CDHR3: variants seen among roughly 807,000 people sequenced by gnomAD.
CDHR3 encodes the protein cadherin-related family member 3.
CDHR3 carries 79 observed loss-of-function variants against 86.6 expected under a neutral mutation model. That is an observed-to-expected ratio of 0.91 (90% CI 0.76 to 1.10). CDHR3 has a LOEUF of 1.10. CDHR3 is among the 50% of genes least tolerant of loss of function. The probability of loss-of-function intolerance (pLI) is 0.00; values close to 1 mark genes in which losing one functional copy is unlikely to be tolerated. For synonymous variants in CDHR3, 421 were observed against 402.4 expected (o/e 1.05, Z -0.55); for missense variants, 1,081 against 1,077.6 (o/e 1.00, Z -0.04).
chr7:105,999,324 TGC>T lies in CDHR3; in HGVS notation c.714-2137_714-2136del, dbSNP rs1182813643. 2.6e-3 allele frequency among the ~76,000 whole-genome samples: 392 copies of T among 152,326 alleles called. 2 individuals are homozygous for T. The highest frequency in any genetic ancestry group is 9.0e-3 in the African/African-American group (374 of 41,576). On this transcript the variant is annotated intron_variant, in intron 6 of 18. Transcript: ENST00000317716. Reference sequence around the variant, plus strand: ...GGAGAGAATATTTCGCCTGAGGAGCTGCATCGTGGCCAGTAGCCTGACCAGTT... The same window carrying T: ...GGAGAGAATATTTCGCCTGAGGAGCTATCGTGGCCAGTAGCCTGACCAGTT...
chr7:106,027,316 G>C (rs1258935926), intron 16 of CDHR3, among the ~76,000 whole-genome samples: 1 of 151,664 alleles, frequency 6.6e-6, no homozygotes, highest in Admixed American at 6.6e-5. Context: ...AGAATTGCTT[G>C]AACCCAGCAG....
intron 4 of CDHR3, among the ~76,000 whole-genome samples, chr7:105,994,273 G>A (rs1475272764): frequency 6.7e-6 from 1 of 150,272 alleles, no homozygotes; most frequent in African/African-American, 2.5e-5. Flanking sequence ...CTAGTGGGTA[G>A]TAGCTGTATT....
intron 1 of CDHR3, among the ~76,000 whole-genome samples, chr7:105,971,393 A>C (rs1401142453): frequency 1.3e-5 from 2 of 152,146 alleles, no homozygotes; most frequent in East Asian, 3.9e-4. Flanking sequence ...GGCGGTTCCC[A>C]ATAAAAATTG....
In CDHR3 at chr7:105,994,795, T is replaced by C. The variant is rs766655942; in HGVS notation, c.558T>C (p.Asn186=). 1 of 1,612,868 alleles carries C rather than the reference T, an allele frequency of 6.2e-7. No individual in the cohort carries two copies. The change falls in exon 5 of 19, where the codon AAT becomes AAC. Residue 186 remains asparagine (N), a synonymous_variant. Transcript: ENST00000317716. ...CAAAGAGCTTCAGAATGTCTGCTAA[T>C]GGCACCCTCTTCTCCACAACAGAAT... ...SPPKSFRMSA[N]GTLFSTTELD...
chr7:106,018,347 G>A (rs376993912), intron 12 of CDHR3, among the ~76,000 whole-genome samples: 3 of 152,098 alleles, frequency 2.0e-5, no homozygotes, highest in South Asian at 2.1e-4. Flanking sequence ...AGCGATTCTC[G>A]TGCCTCAGCC....
Position 106,032,431 on chromosome 7 carries a change from G to A in CDHR3, c.2392G>A (p.Ala798Thr), listed in dbSNP as rs140818720. The change falls in exon 19 of 19, where the codon GCC becomes ACC. Residue 798 changes from alanine to threonine, a missense_variant. Ala to Thr is a moderately conservative substitution (Grantham distance 58). Coordinates refer to ENST00000317716, the MANE Select transcript of CDHR3 (RefSeq NM_152750.5). The part of the protein sequence containing the change: ...ETYEFNSKTG[A>T]RKWKDPLTQM... ...ATATGAATTCAACTCAAAAACTGGAGCCAGAAAGTGGAAAGATCCACTAAC... is the reference window on the plus strand; with the variant it reads ...ATATGAATTCAACTCAAAAACTGGAACCAGAAAGTGGAAAGATCCACTAAC... The A allele has an allele frequency of 1.9e-6, 3 of 1,611,878 alleles. No homozygotes were observed. The highest frequency in any genetic ancestry group is 2.5e-6 in the Non-Finnish European group (3 of 1,178,312).
chr7:106,032,376 T>C lies in CDHR3; in HGVS notation c.2354-17T>C. 1 of 1,594,452 alleles carries C rather than the reference T, an allele frequency of 6.3e-7. No individual in the cohort carries two copies. The highest frequency in any genetic ancestry group is 1.7e-5 in the Admixed American group (1 of 58,010). ...AATTTTCTGGCTTATGTGATTGTTGTATTTTTTTTTCACTAGTGACCGGGG... is the reference window on the plus strand; with the variant it reads ...AATTTTCTGGCTTATGTGATTGTTGCATTTTTTTTTCACTAGTGACCGGGG... On this transcript the variant is annotated splice_polypyrimidine_tract_variant and intron_variant, in intron 18 of 18. Coordinates refer to ENST00000317716, the MANE Select transcript of CDHR3 (RefSeq NM_152750.5).
chr7:106,005,284 T>C (rs1833795920), intron 8 of CDHR3, among the ~76,000 whole-genome samples: 1 of 152,260 alleles, frequency 6.6e-6, no homozygotes, highest in Non-Finnish European at 1.5e-5. Context: ...TTTTGACTCA[T>C]TCTTTGTCCT....
chr7:105,983,681 C>T (rs560509208), intron 3 of CDHR3, among the ~76,000 whole-genome samples: 27 of 152,278 alleles, frequency 1.8e-4, no homozygotes, highest in Non-Finnish European at 3.5e-4. Flanking sequence ...TGGTTCCTCC[C>T]TTGAGCCTCT....
At chr7:106,025,793 C>G (rs570768924) in intron 15 of CDHR3, among the ~76,000 whole-genome samples, 56 of 152,164 alleles carry the variant, frequency 3.7e-4, no homozygotes, top group Non-Finnish European at 6.9e-4. Flanking sequence ...GCAACCTTGA[C>G]TTCAAGGTAA....
chr7:105,994,726 T>A (rs781140659), intron 4 of CDHR3, 25 bp from the exon 5 acceptor site: 2 of 1,540,660 alleles, frequency 1.3e-6, no homozygotes, highest in South Asian at 2.3e-5. Context: ...GCTGATTTCA[T>A]CAATTTTTTT....
Position 106,020,652 on chromosome 7 carries a change from T to A in CDHR3, c.1825+108T>A. The A allele has an allele frequency of 2.4e-6, 3 of 1,256,256 alleles. No homozygotes were observed. In the South Asian group the frequency reaches 4.8e-5, roughly 20 times the overall value. 77.8% of individuals were successfully genotyped at this position (1,256,256 alleles called of 1,614,324 possible). On this transcript the variant is annotated intron_variant, in intron 13 of 18. Transcript: ENST00000317716. ...TGATCTGGGCAAAGTGGGATGGGAG[T>A]TGGGAGGGCATTATTTTTTTGAGAT...
In CDHR3 at chr7:106,019,608, G is replaced by A. The variant is rs369011594; in HGVS notation, c.1654-765G>A. ...ACATTCTATGATTCTGTGCTGGCAG[G>A]CATCCCAGGCTATATTCCAATTTAC... On this transcript the variant is annotated intron_variant, in intron 12 of 18. Transcript: ENST00000317716. Among the ~76,000 whole-genome samples, 10 of 152,290 alleles carry A rather than the reference G, an allele frequency of 6.6e-5. No homozygotes were observed. The South Asian group carries it at 1.9e-3, about 28-fold the overall frequency.
At chr7:105,998,590 G>A (rs983266908) in intron 6 of CDHR3, among the ~76,000 whole-genome samples, 4 of 152,088 alleles carry the variant, frequency 2.6e-5, no homozygotes, top group African/African-American at 7.2e-5. Flanking sequence ...TCAGGAGTTC[G>A]AGACCAGCCT....
At chr7:105,988,375 C>A (rs527514700) in intron 4 of CDHR3, among the ~76,000 whole-genome samples, 13 of 152,320 alleles carry the variant, frequency 8.5e-5, no homozygotes, top group South Asian at 2.1e-4. Flanking sequence ...CAAACAAGGA[C>A]AGAGTTTAAC....
At chr7:106,018,162 G>T in intron 12 of CDHR3, 90 bp downstream of exon 12, 3 of 968,420 alleles carry the variant, frequency 3.1e-6, no homozygotes, top group Non-Finnish European at 4.7e-6. Context: ...GTGGCAATGA[G>T]GAAACTTCCC....
In CDHR3 at chr7:106,034,178, A is replaced by G. The variant is rs1317315608; in HGVS notation, c.*1481A>G. On this transcript the variant is annotated 3_prime_UTR_variant, in exon 19 of 19. Coordinates refer to ENST00000317716, the MANE Select transcript of CDHR3 (RefSeq NM_152750.5). The stretch of plus-strand genomic sequence containing the variant: ...CTTCCACCTGTAGGCATGAGCAATG[A>G]ACTGGGAATAAATGGTATTATGATG... Among the ~76,000 whole-genome samples the G allele has an allele frequency of 6.6e-6, 1 of 152,198 alleles. No homozygotes were observed. The highest frequency in any genetic ancestry group is 1.5e-5 in the Non-Finnish European group (1 of 68,038).
chr7:106,026,771 G>T, intron 16 of CDHR3, 76 bp downstream of exon 16: 2 of 1,484,516 alleles, frequency 1.3e-6, no homozygotes, highest in South Asian at 1.1e-5. Context: ...GTTCCTACTC[G>T]GCAAAGAATC....
intron 4 of CDHR3, among the ~76,000 whole-genome samples, chr7:105,989,339 T>C (rs1200151987): frequency 1.3e-5 from 2 of 149,864 alleles, no homozygotes; most frequent in Admixed American, 6.7e-5. Flanking sequence ...CAGAAGAGCC[T>C]CCTTGGAGAC....
Sources: allele counts gnomAD v4.1 joint callset (sites outside exome capture counted in the v4.1 genomes callset), GRCh38; gene constraint gnomAD v4.1.1; transcripts MANE v1.5; gene names NCBI Gene and HGNC (gene_info 2026-07-23, HGNC 2026-07-21).